NRG4: variants seen among roughly 807,000 people sequenced by gnomAD.
NRG4 encodes pro-neuregulin-4, membrane-bound isoform.
A neutral mutation model predicts 15.0 loss-of-function variants in NRG4; 10 were observed. That is an observed-to-expected ratio of 0.67 (90% CI 0.41 to 1.13). The LOEUF (loss-of-function observed/expected upper bound fraction) is 1.13. Ranked by LOEUF, NRG4 falls within the 50% of genes most tolerant of loss-of-function variation. The pLI, the probability that NRG4 is intolerant of heterozygous loss-of-function variation, is 0.00. For synonymous variants in NRG4, 41 were observed against 50.1 expected, an observed-to-expected ratio of 0.82 and a Z score of 0.77; for missense variants, 139 against 140.2, an observed-to-expected ratio of 0.99 and a Z score of 0.04.
At chr15:76,020,116 T>A (rs971463644) in intron 5 of NRG4, among the ~76,000 whole-genome samples, 2 of 152,214 alleles carry the variant, frequency 1.3e-5, no homozygotes, top group Non-Finnish European at 2.9e-5. Flanking sequence ...CCATGAACCA[T>A]GACTGTGTAA....
intron 2 of NRG4, among the ~76,000 whole-genome samples, chr15:76,053,762 G>A (rs2141968877): frequency 6.6e-6 from 1 of 150,828 alleles, no homozygotes; most frequent in South Asian, 2.1e-4. Context: ...CATCATGTTG[G>A]CCAGGCTGGT....
chr15:75,952,187 A>G (rs2031940570), intron 5 of NRG4, among the ~76,000 whole-genome samples: 1 of 152,140 alleles, frequency 6.6e-6, no homozygotes, highest in East Asian at 1.9e-4. Flanking sequence ...AATTTATGAC[A>G]CTTTCATTCC....
At chr15:76,026,564 A>T (rs1436250661) in intron 5 of NRG4, among the ~76,000 whole-genome samples, 1 of 152,234 alleles carries the variant, frequency 6.6e-6, no homozygotes, top group Non-Finnish European at 1.5e-5. Flanking sequence ...TGGAAGGGAA[A>T]AGACAATTAC....
At chr15:76,024,815 G>A (rs951249636) in intron 5 of NRG4, among the ~76,000 whole-genome samples, 1 of 152,162 alleles carries the variant, frequency 6.6e-6, no homozygotes, top group Non-Finnish European at 1.5e-5. Context: ...TATACTACAT[G>A]ATAATCTAGA....
upstream of NRG4, among the ~76,000 whole-genome samples, chr15:76,013,599 T>C (rs1247133199): frequency 2.0e-5 from 3 of 152,112 alleles, no homozygotes; most frequent in Non-Finnish European, 2.9e-5. Flanking sequence ...GGTGTTTGGT[T>C]TTCTGTTCTT....
chr15:76,031,356 T>C (rs577561806), intron 5 of NRG4, among the ~76,000 whole-genome samples: 5 of 152,298 alleles, frequency 3.3e-5, no homozygotes, highest in Admixed American at 1.3e-4. Context: ...ACTGGAGGTC[T>C]TAACTAGCAC....
chr15:76,016,791 G>A (rs72734583), upstream of NRG4, among the ~76,000 whole-genome samples: 2,051 of 152,268 alleles, frequency 0.013, 17 homozygotes, highest in Non-Finnish European at 0.018. Context: ...ATGTGGTGCC[G>A]AGAAGAATAT....
rs557701590 is a variant in NRG4 at position 76,038,146 on chromosome 15, G to A, written c.-104-2155C>T. On this transcript the variant is annotated intron_variant, in intron 4 of 8. Coordinates refer to the NRG4 transcript ENST00000563910. ...ATGGCATGGGCCTTGGGTGAGACTG[G>A]GAGACACACTGGCTTCAGGTGAGAC... 1.2e-4 allele frequency among the ~76,000 whole-genome samples: 19 copies of A among 152,346 alleles called. No homozygotes were observed. In the South Asian group the frequency reaches 3.1e-3, roughly 25 times the overall value.
chr15:76,028,638 G>A (rs189412569), intron 5 of NRG4, among the ~76,000 whole-genome samples: 6 of 151,134 alleles, frequency 4.0e-5, no homozygotes, highest in Admixed American at 3.3e-4. Flanking sequence ...GGTGGCTCAC[G>A]CCTGTAATCC....
intron 3 of NRG4, among the ~76,000 whole-genome samples, chr15:75,972,774 C>G (rs1051461127): frequency 1.3e-5 from 2 of 152,070 alleles, no homozygotes; most frequent in African/African-American, 4.8e-5. Flanking sequence ...GTTACTGTAG[C>G]CTTATAGTAT....
At chr15:76,009,384 A>G in intron 2 of NRG4, 91 bp from the exon 3 acceptor site, 1 of 582,018 alleles carries the variant, frequency 1.7e-6, no homozygotes. Context: ...AAACTGAAGT[A>G]GCAATTCTGA....
At chr15:75,958,846 C>G (rs1456919067) in intron 4 of NRG4, among the ~76,000 whole-genome samples, 1 of 152,158 alleles carries the variant, frequency 6.6e-6, no homozygotes. Flanking sequence ...GGTCTCCTTT[C>G]TGAAACTTTG....
intron 2 of NRG4, among the ~76,000 whole-genome samples, chr15:76,009,770 C>T (rs999529643): frequency 6.6e-6 from 1 of 152,044 alleles, no homozygotes. Flanking sequence ...CCAAAGTTAA[C>T]TTTAAATGTT....
intron 3 of NRG4, among the ~76,000 whole-genome samples, chr15:75,987,405 C>T (rs2033835782): frequency 6.6e-6 from 1 of 152,102 alleles, no homozygotes; most frequent in African/African-American, 2.4e-5. Context: ...TTTAATTTTA[C>T]CATTATATAC....
At chr15:76,005,886 C>T in intron 3 of NRG4, 1 of 319,402 alleles carries the variant, frequency 3.1e-6, no homozygotes, top group Non-Finnish European at 6.2e-6. Context: ...GTGAATGGCT[C>T]TAGTTAGAAT....
chr15:76,001,363 C>T (rs1227432175), intron 3 of NRG4, among the ~76,000 whole-genome samples: 1 of 152,020 alleles, frequency 6.6e-6, no homozygotes, highest in East Asian at 1.9e-4. Flanking sequence ...TATATTTTCA[C>T]TTCAATATAT....
At chr15:75,998,827 G>T (rs1341027162) in intron 3 of NRG4, among the ~76,000 whole-genome samples, 1 of 152,090 alleles carries the variant, frequency 6.6e-6, no homozygotes, top group East Asian at 1.9e-4. Flanking sequence ...TATCAATCCT[G>T]GATAAGAAGA....
At chr15:75,969,281 T>C (rs749542317) in intron 3 of NRG4, 2 of 453,282 alleles carry the variant, frequency 4.4e-6, no homozygotes, top group Non-Finnish European at 8.9e-6. Context: ...TTACTCTGCG[T>C]GGTATTCCTA....
chr15:75,954,585 G>GT (rs1315311753), intron 5 of NRG4, among the ~76,000 whole-genome samples: 3 of 149,584 alleles, frequency 2.0e-5, no homozygotes, highest in African/African-American at 7.5e-5. Context: ...ACCCACCATT[G>GT]GTTTTTTTTT....
Sources: gnomAD v4.1 joint callset for allele counts (sites outside exome capture counted in the v4.1 genomes callset) on GRCh38, gnomAD v4.1.1 for gene constraint, MANE v1.5 for transcripts, NCBI Gene and HGNC (gene_info 2026-07-23, HGNC 2026-07-21) for gene names.